Variants in BEND7 observed in about 807,000 individuals in gnomAD.
The protein encoded by BEND7 is BEN domain-containing protein 7.
In BEND7, 28 loss-of-function variants were observed where a neutral mutation model predicts 50.9. The observed-to-expected ratio is 0.55, with a 90% confidence interval of 0.41 to 0.75. BEND7 has a LOEUF of 0.75. BEND7 is among the 30% of genes least tolerant of loss of function. The pLI is 0.00. For synonymous variants in BEND7, 170 were observed against 183.9 expected, an observed-to-expected ratio of 0.92 and a Z score of 0.61; for missense variants, 477 against 491.3, an observed-to-expected ratio of 0.97 and a Z score of 0.28.
chr10:13,524,013 C>T (rs878018), intron 2 of BEND7, among the ~76,000 whole-genome samples: 72,290 of 152,070 alleles, frequency 0.48, 18,217 homozygotes, highest in African/African-American at 0.63. Flanking sequence ...AAGCCTGGTC[C>T]TTCATTGGAA....
rs759537071 is a variant in BEND7, at chr10:13,503,074, C to T, written c.146-2994G>A. The T allele has an allele frequency of 7.2e-4, 165 of 227,672 alleles. 1 individual carries two copies. The highest frequency in any genetic ancestry group is 8.1e-4 in the Non-Finnish European group (111 of 137,320). 14.1% of individuals were successfully genotyped at this position (227,672 alleles called of 1,614,324 possible). A position where few individuals can be genotyped will look rare whatever the true frequency, so the allele number is the denominator to read the frequency against. On this transcript the variant is annotated intron_variant, in intron 2 of 8. Coordinates refer to ENST00000466271, the MANE Select transcript of BEND7 (RefSeq NM_001369863.1). ...TGTCATGACCTCAGTTTCAGAGTTC[C>T]AGAACTTATGCCTATGAAAAGTACA... is the stretch of plus-strand genomic sequence containing the variant.
At chr10:13,452,495 T>C (rs1837961870) in intron 7 of BEND7, 44 bp downstream of exon 7, 1 of 1,567,196 alleles carries the variant, frequency 6.4e-7, no homozygotes, top group East Asian at 2.3e-5. Context: ...AGTCTAAGAA[T>C]TCATAAGTGC....
chr10:13,505,225 T>C (rs75973909), intron 2 of BEND7, among the ~76,000 whole-genome samples: 1 of 152,174 alleles, frequency 6.6e-6, no homozygotes, highest in Non-Finnish European at 1.5e-5. Context: ...GATCCAGACA[T>C]CAGCTTTATA....
At chr10:13,444,509 C>T (rs1369744353) in intron 8 of BEND7, 1 of 152,140 alleles carries the variant, frequency 6.6e-6, no homozygotes, top group Non-Finnish European at 1.5e-5. Context: ...ATTGTTGAAT[C>T]TTTAAAAAGA....
intron 6 of BEND7, among the ~76,000 whole-genome samples, chr10:13,469,042 GC>G (rs2074539179): frequency 6.6e-6 from 1 of 152,136 alleles, no homozygotes; most frequent in Non-Finnish European, 1.5e-5. Flanking sequence ...ATTGGGATTT[GC>G]CCCCAGGTAG....
downstream of BEND7, among the ~76,000 whole-genome samples, chr10:13,440,344 T>G (rs1451520421): frequency 1.3e-5 from 2 of 152,202 alleles, no homozygotes; most frequent in African/African-American, 2.4e-5. Context: ...GGAGCCTGAC[T>G]CCAGCTTCAG....
In BEND7 at chr10:13,441,853, T is replaced by C. The variant is rs1835374562; in HGVS notation, c.1235-103A>G. On this transcript the variant is annotated intron_variant, in intron 8 of 8. Transcript: ENST00000466271. Reference sequence around the variant, plus strand: ...ATGATGGAAATAATTTCTCCAAACCTTCCTTGTAGCCCCCCAAAAGAAGAA... The same window carrying C: ...ATGATGGAAATAATTTCTCCAAACCCTCCTTGTAGCCCCCCAAAAGAAGAA... 3 of 1,164,368 alleles carry C rather than the reference T, an allele frequency of 2.6e-6. No individual in the cohort carries two copies. The South Asian group carries it at 4.1e-5, about 16-fold the overall frequency. 72.1% of individuals were successfully genotyped at this position (1,164,368 alleles called of 1,614,324 possible). A position where few individuals can be genotyped will look rare whatever the true frequency, so the allele number is the denominator to read the frequency against.
At chr10:13,498,422 G>T (rs1231541180) in intron 3 of BEND7, among the ~76,000 whole-genome samples, 3 of 152,100 alleles carry the variant, frequency 2.0e-5, no homozygotes, top group African/African-American at 7.2e-5. Flanking sequence ...AACTGATATG[G>T]GGGAATTTAT....
At chr10:13,515,763 T>C (rs2078625419) in intron 2 of BEND7, among the ~76,000 whole-genome samples, 1 of 152,226 alleles carries the variant, frequency 6.6e-6, no homozygotes, top group Admixed American at 6.5e-5. Flanking sequence ...GTGTGTTCAG[T>C]TGATGGCAAT....
At chr10:13,445,887 C>T (rs1836209808) in intron 8 of BEND7, 1 of 152,190 alleles carries the variant, frequency 6.6e-6, no homozygotes, top group Admixed American at 6.5e-5. Context: ...GCTAGAAAGG[C>T]ATGGTGCTCC....
At chr10:13,510,627 A>T (rs11598301) in intron 2 of BEND7, among the ~76,000 whole-genome samples, 29,915 of 152,168 alleles carry the variant, frequency 0.2, 3,022 homozygotes, top group Middle Eastern at 0.23. Context: ...GTGAAAGACA[A>T]ATTATTAGCT....
chr10:13,487,544 G>A (rs1030583648), intron 5 of BEND7, among the ~76,000 whole-genome samples: 4 of 151,744 alleles, frequency 2.6e-5, no homozygotes, highest in Admixed American at 2.0e-4. Context: ...GCGCCACCAC[G>A]CCCGGCTAAT....
downstream of BEND7, among the ~76,000 whole-genome samples, chr10:13,440,361 G>A (rs1259813701): frequency 6.6e-6 from 1 of 152,236 alleles, no homozygotes; most frequent in Non-Finnish European, 1.5e-5. Context: ...TCAGAGCAGC[G>A]CGGACACCTG....
intron 6 of BEND7, among the ~76,000 whole-genome samples, chr10:13,455,653 G>T (rs7093157): frequency 0.31 from 46,385 of 151,810 alleles, 8,387 homozygotes; most frequent in East Asian, 0.67. Flanking sequence ...CATCACCCTG[G>T]GGGGGTTGGG....
intron 4 of BEND7, among the ~76,000 whole-genome samples, chr10:13,495,108 CA>C (rs1465428731): frequency 6.6e-6 from 1 of 152,196 alleles, no homozygotes; most frequent in African/African-American, 2.4e-5. Context: ...TTTGCCATTT[CA>C]GTAGTAAGGA....
At chr10:13,454,102 G>A (rs771234800) in intron 6 of BEND7, among the ~76,000 whole-genome samples, 23 of 152,196 alleles carry the variant, frequency 1.5e-4, no homozygotes, top group Non-Finnish European at 2.9e-4. Flanking sequence ...CTAGTGACGC[G>A]TCTAGGGCCT....
intron 6 of BEND7, among the ~76,000 whole-genome samples, chr10:13,457,392 T>C (rs903674983): frequency 4.6e-5 from 7 of 152,224 alleles, no homozygotes; most frequent in Non-Finnish European, 7.3e-5. Context: ...GGTTATTTTT[T>C]TCTAGTTTCA....
At chr10:13,480,777 C>G in intron 6 of BEND7, 122 bp downstream of exon 6, 1 of 1,508,836 alleles carries the variant, frequency 6.6e-7, no homozygotes. Flanking sequence ...ATGTGAATGG[C>G]TAAATTGGCA....
chr10:13,479,042 T>C (rs1235054947), intron 6 of BEND7, among the ~76,000 whole-genome samples: 1 of 150,892 alleles, frequency 6.6e-6, no homozygotes, highest in Non-Finnish European at 1.5e-5. Flanking sequence ...AGTCTGGCCC[T>C]GTTGCCCAGG....
Sources: gnomAD v4.1 joint callset for allele counts (sites outside exome capture counted in the v4.1 genomes callset) on GRCh38, gnomAD v4.1.1 for gene constraint, MANE v1.5 for transcripts, NCBI Gene and HGNC (gene_info 2026-07-23, HGNC 2026-07-21) for gene names.